ATRN: variants seen among roughly 807,000 people sequenced by gnomAD.
ATRN encodes attractin-2.
In ATRN, 54 loss-of-function variants were observed where a neutral mutation model predicts 178.7. The ratio of observed to expected loss-of-function variants is 0.30; its 90% CI spans 0.24 to 0.38. ATRN has a LOEUF of 0.38. Among genes scored for constraint, ATRN ranks in the 10% least tolerant of loss-of-function variants. ATRN has a pLI of 1.00. For synonymous variants in ATRN, 636 were observed against 663.0 expected (o/e 0.96, Z 0.63); for missense variants, 1,443 against 1,815.1 (o/e 0.79, Z 3.73).
chr20:3,561,060 C>T (rs1346078183), intron 8 of ATRN, among the ~76,000 whole-genome samples, 155 bp downstream of exon 8: 1 of 152,182 alleles, frequency 6.6e-6, no homozygotes, highest in African/African-American at 2.4e-5. Flanking sequence ...GTGGCCCACT[C>T]CTGTAATCCC....
At chr20:3,550,451 C>T (rs1396609785) in intron 6 of ATRN, among the ~76,000 whole-genome samples, 1 of 152,148 alleles carries the variant, frequency 6.6e-6, no homozygotes, top group East Asian at 1.9e-4. Flanking sequence ...TAGGATTGAA[C>T]TGGCCCAATC....
intron 18 of ATRN, among the ~76,000 whole-genome samples, chr20:3,585,122 G>C (rs2086340036): frequency 6.6e-6 from 1 of 152,182 alleles, no homozygotes; most frequent in Non-Finnish European, 1.5e-5. Flanking sequence ...CAGACTTGAA[G>C]TGACCACTCA....
chr20:3,486,734 T>A (rs1043102398), intron 1 of ATRN, among the ~76,000 whole-genome samples: 1 of 152,196 alleles, frequency 6.6e-6, no homozygotes, highest in Admixed American at 6.5e-5. Context: ...ATCTCTGTTA[T>A]TTTTTTCTTT....
Position 3,591,424 on chromosome 20 carries a change from T to G in ATRN, c.3322+118T>G, listed in dbSNP as rs77687273. The G allele has an allele frequency of 3.0e-3, 3,750 of 1,244,212 alleles. 16 individuals carry two copies. Among genetic ancestry groups the G allele is most frequent in the Non-Finnish European group, 3.8e-3 (3,436 of 892,702 alleles). 77.1% of individuals were successfully genotyped at this position (1,244,212 alleles called of 1,614,324 possible). A position where few individuals can be genotyped will look rare whatever the true frequency, so the allele number is the denominator to read the frequency against. ...TTGTTTTGGATACCACATTTCTTAT[T>G]AAATCATACTGGTCAGAAGCTCAGC... On this transcript the variant is annotated intron_variant, in intron 19 of 28. Transcript: ENST00000262919.
chr20:3,524,986 A>G (rs1246309834), intron 1 of ATRN, among the ~76,000 whole-genome samples: 1 of 152,222 alleles, frequency 6.6e-6, no homozygotes, highest in East Asian at 1.9e-4. Flanking sequence ...CTAACATCAC[A>G]GTTAAAAGAA....
At chr20:3,494,239 T>G (rs2084846921) in intron 1 of ATRN, among the ~76,000 whole-genome samples, 1 of 152,120 alleles carries the variant, frequency 6.6e-6, no homozygotes, top group Admixed American at 6.5e-5. Context: ...GAGGAAGAAA[T>G]ACATAGTCAA....
intron 25 of ATRN, chr20:3,629,069 T>G (rs2086969343): frequency 1.0e-6 from 1 of 985,306 alleles, no homozygotes; most frequent in Non-Finnish European, 1.2e-6. Flanking sequence ...TCTCTTGCTT[T>G]CACTCAGCAG....
intron 5 of ATRN, 86 bp downstream of exon 5, chr20:3,547,575 C>T: frequency 9.4e-7 from 1 of 1,066,284 alleles, no homozygotes; most frequent in East Asian, 2.6e-5. Context: ...ATTCTTAGCA[C>T]CTATATAATT....
At chr20:3,549,723 G>C (rs1292705037) in intron 6 of ATRN, among the ~76,000 whole-genome samples, 1 of 152,124 alleles carries the variant, frequency 6.6e-6, no homozygotes, top group African/African-American at 2.4e-5. Flanking sequence ...CAGGCTTCAA[G>C]GTCTATTTGC....
chr20:3,558,688 G>C (rs1167615058), intron 6 of ATRN, among the ~76,000 whole-genome samples: 1 of 151,392 alleles, frequency 6.6e-6, no homozygotes, highest in Non-Finnish European at 1.5e-5. Context: ...AAAACTTTTA[G>C]CTCTTTATTC....
chr20:3,502,929 C>T (rs1023080427), intron 1 of ATRN, among the ~76,000 whole-genome samples: 2 of 152,144 alleles, frequency 1.3e-5, no homozygotes, highest in Non-Finnish European at 2.9e-5. Flanking sequence ...CTGGCAAGAG[C>T]AAGTGGCCCA....
chr20:3,488,020 A>T (rs1254425318), intron 1 of ATRN, among the ~76,000 whole-genome samples: 6 of 152,180 alleles, frequency 3.9e-5, no homozygotes, highest in Non-Finnish European at 8.8e-5. Context: ...ATTTTATAGA[A>T]GATGATATGC....
chr20:3,604,355 A>T (rs1182296512), intron 24 of ATRN, 93 bp downstream of exon 24: 31 of 1,386,038 alleles, frequency 2.2e-5, no homozygotes, highest in Non-Finnish European at 3.0e-5. Context: ...GGTAAATGAG[A>T]TGTGCAATGT....
At chr20:3,636,940 A>G (rs967353015) in intron 26 of ATRN, among the ~76,000 whole-genome samples, 3 of 152,250 alleles carry the variant, frequency 2.0e-5, no homozygotes, top group African/African-American at 7.2e-5. Flanking sequence ...AAAGTTATTA[A>G]AACAATGTAG....
intron 1 of ATRN, among the ~76,000 whole-genome samples, chr20:3,472,036 AG>A (rs2084436886): frequency 6.6e-6 from 1 of 152,342 alleles, no homozygotes; most frequent in East Asian, 1.9e-4. Flanking sequence ...TATTAGGGAT[AG>A]AAGGACCAGT....
intron 19 of ATRN, among the ~76,000 whole-genome samples, chr20:3,592,773 GGTT>G (rs2086468118): frequency 6.6e-6 from 1 of 152,150 alleles, no homozygotes; most frequent in Non-Finnish European, 1.5e-5. Context: ...ATAATAGGGT[GGTT>G]GTTAAGATGA....
rs138182554 is a variant in ATRN, at chr20:3,562,307, G to A, written c.1479G>A (p.Gln493=). ...DKNTWSILHT[Q]GALVQGGYGH... ...ACACATGGAGTATATTACACACCCA[G>A]GGTGCCCTTGTGCAAGGGGGTTACG... is the stretch of plus-strand genomic sequence containing the variant. Residue 493 remains glutamine (Q), a synonymous_variant, in exon 9 of 29, where the codon CAG becomes CAA. Coordinates refer to ENST00000262919, the MANE Select transcript of ATRN (RefSeq NM_139321.3). 131 of 1,614,024 alleles carry A rather than the reference G, an allele frequency of 8.1e-5. No individual in the cohort carries two copies. The African/African-American group carries it at 1.4e-3, about 18-fold the overall frequency.
At chr20:3,579,992 A>G (rs984387397) in intron 15 of ATRN, among the ~76,000 whole-genome samples, 5 of 152,094 alleles carry the variant, frequency 3.3e-5, no homozygotes, top group African/African-American at 1.2e-4. Context: ...GGGTATGGAC[A>G]CTCAAACATT....
At chr20:3,598,562 T>C (rs570597459) in intron 22 of ATRN, among the ~76,000 whole-genome samples, 15 of 152,356 alleles carry the variant, frequency 9.8e-5, no homozygotes, top group African/African-American at 3.6e-4. Context: ...TTTAAATTGT[T>C]AAAATATGTA....
Sources: gnomAD v4.1 joint callset for allele counts (sites outside exome capture counted in the v4.1 genomes callset) on GRCh38, gnomAD v4.1.1 for gene constraint, MANE v1.5 for transcripts, NCBI Gene and HGNC (gene_info 2026-07-23, HGNC 2026-07-21) for gene names.